Variants in NRXN3 observed in about 807,000 individuals in gnomAD.
NRXN3 encodes the protein neurexin III.
Under a neutral mutation model 137.6 loss-of-function variants are expected in NRXN3, and 32 were observed. The ratio of observed to expected loss-of-function variants is 0.23; its 90% confidence interval spans 0.18 to 0.31. The LOEUF is 0.31. Ranked by LOEUF, NRXN3 falls within the 10% of genes least tolerant of loss-of-function variation. NRXN3 has a pLI of 1.00. For synonymous variants in NRXN3, 798 were observed against 784.5 expected, an observed-to-expected ratio of 1.02 and a Z score of -0.29; for missense variants, 1,574 against 2,062.5, an observed-to-expected ratio of 0.76 and a Z score of 4.59.
intron 19 of NRXN3, among the ~76,000 whole-genome samples, chr14:79,777,844 C>A (rs2099101843): frequency 6.6e-6 from 1 of 151,580 alleles, no homozygotes; most frequent in Non-Finnish European, 1.5e-5. Flanking sequence ...AGGCTCCACA[C>A]CAAGGTCAAT....
chr14:78,664,292 T>C (rs890268342), intron 6 of NRXN3, among the ~76,000 whole-genome samples: 3 of 152,220 alleles, frequency 2.0e-5, no homozygotes, highest in African/African-American at 7.2e-5. Context: ...AGATTCTCAT[T>C]GCTACCTTCT....
intron 15 of NRXN3, among the ~76,000 whole-genome samples, chr14:79,275,286 T>C (rs1020247360): frequency 9.2e-5 from 14 of 151,934 alleles, no homozygotes; most frequent in African/African-American, 3.4e-4. Flanking sequence ...TTTGTAGAGA[T>C]AGAAAGTAAG....
chr14:79,058,527 C>T (rs1165537392), intron 15 of NRXN3, among the ~76,000 whole-genome samples: 1 of 152,102 alleles, frequency 6.6e-6, no homozygotes, highest in Non-Finnish European at 1.5e-5. Flanking sequence ...GAGATTCTTG[C>T]ACTGGGTAGG....
At chr14:79,441,610 G>A (rs2095958098) in intron 15 of NRXN3, among the ~76,000 whole-genome samples, 1 of 151,662 alleles carries the variant, frequency 6.6e-6, no homozygotes, top group East Asian at 1.9e-4. Flanking sequence ...TCGATCTCCT[G>A]ACCTCGTGAT....
chr14:79,354,119 AAT>A (rs1275305216), intron 15 of NRXN3, among the ~76,000 whole-genome samples: 1 of 152,176 alleles, frequency 6.6e-6, no homozygotes, highest in Non-Finnish European at 1.5e-5. Context: ...ATAAAAGTCA[AAT>A]GTTTAATCTC....
rs764324330 is a variant in NRXN3, at chr14:79,538,589, TG to T, written c.3444+71188del. Among the ~76,000 whole-genome samples, 9 of 152,334 alleles carry T rather than the reference TG, an allele frequency of 5.9e-5. No individual in the cohort carries two copies. In the East Asian group the frequency reaches 1.7e-3, roughly 29 times the overall value. On this transcript the variant is annotated intron_variant, in intron 16 of 20. Coordinates refer to ENST00000335750, the MANE Select transcript of NRXN3 (RefSeq NM_001330195.2). Reference sequence around the variant, plus strand: ...TTCCCCACTTCTTAATGGGGTGGTTTGTTTTTTTCTTGTGAATTTGTTTACG... The same window carrying T: ...TTCCCCACTTCTTAATGGGGTGGTTTTTTTTTTCTTGTGAATTTGTTTACG...
intron 20 of NRXN3, among the ~76,000 whole-genome samples, chr14:79,822,617 G>C (rs1458839180): frequency 6.6e-6 from 1 of 152,058 alleles, no homozygotes; most frequent in African/African-American, 2.4e-5. Context: ...AGATTGAGTA[G>C]ATTTCAAAGA....
intron 15 of NRXN3, among the ~76,000 whole-genome samples, chr14:79,035,362 C>T (rs2099614324): frequency 6.6e-6 from 1 of 151,986 alleles, no homozygotes; most frequent in South Asian, 2.1e-4. Context: ...TCACAAGGTT[C>T]TTGATGTATT....
At chr14:78,440,044 C>A (rs2094194440) in intron 4 of NRXN3, among the ~76,000 whole-genome samples, 1 of 152,208 alleles carries the variant, frequency 6.6e-6, no homozygotes, top group African/African-American at 2.4e-5. Context: ...ACTGCCTTGC[C>A]TTAGTATGAG....
chr14:78,269,838 C>T (rs971542277), intron 2 of NRXN3, among the ~76,000 whole-genome samples: 8 of 152,130 alleles, frequency 5.3e-5, no homozygotes, highest in Non-Finnish European at 2.9e-5. Flanking sequence ...ATCCTGTTGG[C>T]CTAAACTCTG....
intron 20 of NRXN3, chr14:79,824,022 A>T (rs1367712876): frequency 2.6e-6 from 1 of 382,490 alleles, no homozygotes; most frequent in African/African-American, 2.0e-5. Flanking sequence ...ACACAGATGG[A>T]ACACGAAGTG....
intron 17 of NRXN3, among the ~76,000 whole-genome samples, chr14:79,665,634 G>C (rs184347): frequency 2.6e-5 from 4 of 151,850 alleles, no homozygotes; most frequent in African/African-American, 9.7e-5. Context: ...TTGTGTTTCT[G>C]TTAGGAATTT....
intron 15 of NRXN3, among the ~76,000 whole-genome samples, chr14:79,441,540 C>G (rs545271150): frequency 5.4e-4 from 82 of 151,672 alleles, no homozygotes; most frequent in Non-Finnish European, 1.0e-3. Context: ...CCACCGCACC[C>G]GGCTAATTTG....
At chr14:79,568,320 CT>C (rs2097568638) in intron 16 of NRXN3, among the ~76,000 whole-genome samples, 2 of 152,196 alleles carry the variant, frequency 1.3e-5, no homozygotes, top group Non-Finnish European at 1.5e-5. Flanking sequence ...TGAGTTGAAA[CT>C]TCATTCATTC....
chr14:78,177,141 G>A (rs2059348569), intron 1 of NRXN3, among the ~76,000 whole-genome samples: 1 of 152,146 alleles, frequency 6.6e-6, no homozygotes, highest in Non-Finnish European at 1.5e-5. Flanking sequence ...GGATGCTGAC[G>A]ACTCTGGGAG....
In NRXN3 at chr14:79,112,707, T is replaced by C. The variant is rs145711829; in HGVS notation, c.3262+124566T>C. On this transcript the variant is annotated intron_variant, in intron 15 of 20. Coordinates refer to ENST00000335750, the MANE Select transcript of NRXN3 (RefSeq NM_001330195.2). The stretch of plus-strand genomic sequence containing the variant: ...AAGCCAGGCTAGTCTCTGGACTCTG[T>C]AGTTTACTTTCTAAATAAAAAATAT... 2.7e-4 allele frequency among the ~76,000 whole-genome samples: 41 copies of C among 152,324 alleles called. 3 individuals are homozygous for C. The East Asian group carries it at 7.1e-3, about 27-fold the overall frequency.
chr14:79,298,933 G>C (rs1384049297), intron 15 of NRXN3: 1 of 152,382 alleles, frequency 6.6e-6, no homozygotes, highest in Non-Finnish European at 1.5e-5. Flanking sequence ...GTGAATATGA[G>C]TGGCTGGGAG....
At chr14:78,628,588 A>G (rs182060767) in intron 4 of NRXN3, among the ~76,000 whole-genome samples, 10 of 152,328 alleles carry the variant, frequency 6.6e-5, no homozygotes, top group African/African-American at 2.4e-4. Context: ...CACACAGTTA[A>G]CTATGTTTAT....
chr14:79,063,775 A>G (rs1257357811), intron 15 of NRXN3, among the ~76,000 whole-genome samples: 1 of 152,176 alleles, frequency 6.6e-6, no homozygotes, highest in African/African-American at 2.4e-5. Context: ...ATGTTTGCTC[A>G]AGATAGAGCG....
Sources: gnomAD v4.1 joint callset for allele counts (sites outside exome capture counted in the v4.1 genomes callset) on GRCh38, gnomAD v4.1.1 for gene constraint, MANE v1.5 for transcripts, NCBI Gene and HGNC (gene_info 2026-07-23, HGNC 2026-07-21) for gene names.